Variants in CDH13 observed in about 807,000 individuals in gnomAD.
CDH13 encodes cadherin 13.
CDH13 carries 24 observed loss-of-function variants against 63.8 expected under a neutral mutation model. The observed-to-expected ratio is 0.38, with a 90% CI of 0.27 to 0.53. The LOEUF (loss-of-function observed/expected upper bound fraction) is 0.53, where lower values mean the gene tolerates loss of function less well. Among genes scored for constraint, CDH13 ranks in the 20% least tolerant of loss-of-function variants. CDH13 has a pLI of 0.85. For missense variants in CDH13, 1,049 were observed against 903.1 expected (o/e 1.16, Z -2.07); for synonymous variants, 503 against 355.3 (o/e 1.42, Z -4.67).
At chr16:83,419,299 A>ATTG (rs1441813695) in intron 6 of CDH13, among the ~76,000 whole-genome samples, 1 of 152,196 alleles carries the variant, frequency 6.6e-6, no homozygotes, top group Non-Finnish European at 1.5e-5. Flanking sequence ...CACCCATACA[A>ATTG]GGTATGCTGA....
chr16:83,104,002 A>C (rs1414100632), intron 3 of CDH13, among the ~76,000 whole-genome samples: 1 of 152,204 alleles, frequency 6.6e-6, no homozygotes. Flanking sequence ...GTCCCATAAT[A>C]GTTTTTCAGA....
intron 5 of CDH13, 114 bp from the exon 6 acceptor site, chr16:83,344,748 A>T: frequency 8.9e-7 from 1 of 1,121,166 alleles, no homozygotes; most frequent in Non-Finnish European, 1.3e-6. Flanking sequence ...AAATTTCAAT[A>T]TTGCCAAGGG....
chr16:83,379,938 T>TATATATATATATATAGAGAG, intron 6 of CDH13, among the ~76,000 whole-genome samples: 90 of 123,446 alleles, frequency 7.3e-4, no homozygotes, highest in Admixed American at 9.9e-4. Context: ...TATATATATA[T>TATATATATATATATAGAGAG]AGAGAGAGAG....
intron 3 of CDH13, among the ~76,000 whole-genome samples, chr16:83,112,512 T>C (rs2035105757): frequency 6.6e-6 from 1 of 152,188 alleles, no homozygotes; most frequent in African/African-American, 2.4e-5. Flanking sequence ...TGTTTGTGGG[T>C]TAGGAGTTAG....
chr16:82,950,868 A>G (rs1435116957), intron 2 of CDH13, among the ~76,000 whole-genome samples: 2 of 145,924 alleles, frequency 1.4e-5, no homozygotes, highest in African/African-American at 5.1e-5. Flanking sequence ...GCAGTGAGAG[A>G]GTTGTATGCA....
At chr16:83,620,728 G>A (rs1035035982) in intron 8 of CDH13, among the ~76,000 whole-genome samples, 17 of 152,162 alleles carry the variant, frequency 1.1e-4, no homozygotes, top group East Asian at 5.8e-4. Context: ...AAGTGGCACC[G>A]ATTCCTTCCC....
intron 7 of CDH13, among the ~76,000 whole-genome samples, chr16:83,514,604 C>T (rs920935075): frequency 1.6e-4 from 24 of 152,132 alleles, no homozygotes; most frequent in African/African-American, 5.6e-4. Context: ...AAGATCATAC[C>T]ACTGCACTCC....
chr16:83,095,102 C>T (rs1046948868), intron 3 of CDH13, among the ~76,000 whole-genome samples: 3 of 152,190 alleles, frequency 2.0e-5, no homozygotes. Flanking sequence ...AAGAAGATTT[C>T]TGAACAGAAA....
chr16:83,632,306 C>T (rs902225595), intron 8 of CDH13, among the ~76,000 whole-genome samples: 1 of 127,706 alleles, frequency 7.8e-6, no homozygotes, highest in Non-Finnish European at 1.7e-5. Flanking sequence ...CTCCTAATTT[C>T]AGTCACATCT....
At chr16:83,346,426 G>A (rs546729385) in intron 6 of CDH13, among the ~76,000 whole-genome samples, 1 of 152,288 alleles carries the variant, frequency 6.6e-6, no homozygotes, top group East Asian at 1.9e-4. Flanking sequence ...TGAGGAAAGC[G>A]ATTAAAGAGG....
At chr16:82,858,200 A>G (rs2039781090) in intron 1 of CDH13, among the ~76,000 whole-genome samples, 162 bp from the exon 2 acceptor site, 1 of 152,254 alleles carries the variant, frequency 6.6e-6, no homozygotes, top group African/African-American at 2.4e-5. Flanking sequence ...CTCAGTGCCA[A>G]AAAGAATTGT....
intron 6 of CDH13, among the ~76,000 whole-genome samples, chr16:83,362,825 C>T (rs1421447051): frequency 6.6e-6 from 1 of 152,164 alleles, no homozygotes; most frequent in African/African-American, 2.4e-5. Context: ...TGCTCCCCAG[C>T]CAAGGCTGTG....
At chr16:82,712,887 T>A (rs2032060629) in intron 1 of CDH13, among the ~76,000 whole-genome samples, 1 of 152,208 alleles carries the variant, frequency 6.6e-6, no homozygotes, top group South Asian at 2.1e-4. Flanking sequence ...CCACTCTCAT[T>A]TTCAGCTTCA....
At position 83,104,314 on chromosome 16, in the gene CDH13, G is replaced by A. The variant is rs565865126; in HGVS notation, c.367-21071G>A. On this transcript the variant is annotated intron_variant, in intron 3 of 13. Transcript: ENST00000567109. ...ATGACGTGGGGAGACGTGAGACATC[G>A]CATACATTATTGTGAAGAATTTATT... is the stretch of plus-strand genomic sequence containing the variant. 5.3e-5 allele frequency among the ~76,000 whole-genome samples: 8 copies of A among 152,194 alleles called. No homozygotes were observed. The South Asian group carries it at 8.3e-4, about 16-fold the overall frequency.
chr16:83,419,399 C>T (rs897441795), intron 6 of CDH13, among the ~76,000 whole-genome samples: 1 of 152,158 alleles, frequency 6.6e-6, no homozygotes, highest in African/African-American at 2.4e-5. Flanking sequence ...TGAATATACA[C>T]AGTGAGAGAA....
At chr16:83,655,505 G>A (rs994758165) in intron 8 of CDH13, among the ~76,000 whole-genome samples, 6 of 152,150 alleles carry the variant, frequency 3.9e-5, no homozygotes, top group African/African-American at 1.4e-4. Context: ...CAGAGAGAAC[G>A]ACACAGGTAG....
chr16:82,745,187 GCT>G (rs2034106707), intron 1 of CDH13, among the ~76,000 whole-genome samples: 1 of 152,166 alleles, frequency 6.6e-6, no homozygotes, highest in African/African-American at 2.4e-5. Flanking sequence ...TCAGACTCAG[GCT>G]GACTTGGAGT....
chr16:83,337,719 G>T (rs543251316), intron 5 of CDH13, among the ~76,000 whole-genome samples: 1 of 129,072 alleles, frequency 7.7e-6, no homozygotes, highest in Non-Finnish European at 1.5e-5. Context: ...ATAATATTTC[G>T]CAGCCTTTAG....
chr16:83,505,092 A>C (rs1399601230), intron 7 of CDH13, among the ~76,000 whole-genome samples: 1 of 152,102 alleles, frequency 6.6e-6, no homozygotes, highest in East Asian at 1.9e-4. Context: ...CATACAAAGG[A>C]TGTGCATAGG....
Sources: gnomAD v4.1 joint callset for allele counts (sites outside exome capture counted in the v4.1 genomes callset) on GRCh38, gnomAD v4.1.1 for gene constraint, MANE v1.5 for transcripts, NCBI Gene and HGNC (gene_info 2026-07-23, HGNC 2026-07-21) for gene names.